MAP4: variants seen among roughly 807,000 people sequenced by gnomAD.
The protein encoded by MAP4 is microtubule associated protein 4.
A neutral mutation model predicts 170.2 loss-of-function variants in MAP4; 76 were observed. The observed-to-expected ratio is 0.45, with a 90% CI of 0.37 to 0.54. MAP4 has a LOEUF of 0.54. MAP4 is among the 20% of genes least tolerant of loss of function. The probability of loss-of-function intolerance (pLI) is 0.00; values close to 1 mark genes in which losing one functional copy is unlikely to be tolerated. For missense variants in MAP4, 2,506 were observed against 2,748.0 expected, an observed-to-expected ratio of 0.91 and a Z score of 1.97; for synonymous variants, 909 against 994.5, an observed-to-expected ratio of 0.91 and a Z score of 1.62.
At chr3:47,919,395 C>T (rs958838071) in intron 5 of MAP4, among the ~76,000 whole-genome samples, 16 of 152,012 alleles carry the variant, frequency 1.1e-4, no homozygotes, top group Non-Finnish European at 2.2e-4. Context: ...GCAATCTCTG[C>T]CTCCCAGGTT....
intron 1 of MAP4, among the ~76,000 whole-genome samples, chr3:48,067,832 G>C (rs2100139060): frequency 6.6e-6 from 1 of 152,052 alleles, no homozygotes; most frequent in South Asian, 2.1e-4. Flanking sequence ...TAGAGATGGG[G>C]TTTTGCCCTG....
intron 3 of MAP4, among the ~76,000 whole-genome samples, chr3:47,950,747 G>A (rs1559568969): frequency 1.3e-5 from 2 of 152,150 alleles, no homozygotes; most frequent in African/African-American, 4.8e-5. Flanking sequence ...CAGAATAGAG[G>A]TTGCTTTTTT....
intron 4 of MAP4, among the ~76,000 whole-genome samples, chr3:47,925,532 T>C (rs962791787): frequency 6.6e-5 from 10 of 152,280 alleles, no homozygotes; most frequent in Middle Eastern, 3.4e-3. Flanking sequence ...AGCCATATAA[T>C]GGAGTATTAC....
At chr3:47,975,442 A>T in intron 3 of MAP4, 1 of 1,568,966 alleles carries the variant, frequency 6.4e-7, no homozygotes, top group South Asian at 1.2e-5. Context: ...CAGCAGCCCC[A>T]GTGTTGAGAG....
At chr3:47,898,232 G>A (rs568730500) in intron 10 of MAP4, among the ~76,000 whole-genome samples, 11 of 152,088 alleles carry the variant, frequency 7.2e-5, no homozygotes, top group South Asian at 4.1e-4. Context: ...GGCTGGGCAT[G>A]GTGGCTCACC....
At chr3:47,922,016 T>G in intron 4 of MAP4, 138 bp from the exon 5 acceptor site, 1 of 558,686 alleles carries the variant, frequency 1.8e-6, no homozygotes, top group Non-Finnish European at 3.2e-6. Context: ...GGTGCCATCT[T>G]GGTTCACTGC....
chr3:47,868,871 G>T (rs902442112), intron 16 of MAP4, among the ~76,000 whole-genome samples: 3 of 152,204 alleles, frequency 2.0e-5, no homozygotes, highest in Admixed American at 6.5e-5. Context: ...TCTTGATAAC[G>T]AATGTGGGTG....
intron 10 of MAP4, chr3:47,891,346 T>C (rs1262796266): frequency 6.5e-7 from 1 of 1,536,068 alleles, no homozygotes; most frequent in South Asian, 1.2e-5. Flanking sequence ...TGAAAGGAGG[T>C]ATCTCTTTAG....
intron 19 of MAP4, among the ~76,000 whole-genome samples, chr3:47,853,554 T>C (rs1203988857): frequency 9.9e-6 from 1 of 100,876 alleles, no homozygotes; most frequent in African/African-American, 3.9e-5. Flanking sequence ...CTCCCGAGGG[T>C]CAGGAGCAGC....
rs904916534 is a variant in MAP4 at position 48,034,420 on chromosome 3, G to A, written c.-19-35541C>T. 3.9e-5 allele frequency among the ~76,000 whole-genome samples: 6 copies of A among 151,928 alleles called. No individual in the cohort carries two copies. In the East Asian group the frequency reaches 1.2e-3, roughly 29 times the overall value. Reference sequence around the variant, plus strand: ...TTGACCATTTAAAAAAATCACTTAGGGGCCCAGCACAGTGGCTCATACCTG... The same window carrying A: ...TTGACCATTTAAAAAAATCACTTAGAGGCCCAGCACAGTGGCTCATACCTG... On this transcript the variant is annotated intron_variant, in intron 1 of 18. Transcript: ENST00000360240.
At chr3:47,958,742 G>A (rs1448419878) in intron 3 of MAP4, among the ~76,000 whole-genome samples, 1 of 150,022 alleles carries the variant, frequency 6.7e-6, no homozygotes, top group Non-Finnish European at 1.5e-5. Context: ...GGAGTGCAGC[G>A]GCAAGATCTC....
At chr3:48,008,128 A>G (rs999051680) in intron 1 of MAP4, among the ~76,000 whole-genome samples, 4 of 152,168 alleles carry the variant, frequency 2.6e-5, no homozygotes, top group Admixed American at 2.6e-4. Flanking sequence ...TTCCATCATC[A>G]AATGGAAGTG....
chr3:47,909,633 A>G lies in MAP4; in HGVS notation c.4788T>C (p.Tyr1596=), dbSNP rs773186025. 6 of 1,613,726 alleles carry G rather than the reference A, an allele frequency of 3.7e-6. No homozygotes were observed. In the African/African-American group the frequency reaches 6.7e-5, roughly 18 times the overall value. The change falls in exon 9 of 21, where the codon TAT becomes TAC. Residue 1596 remains tyrosine (Y), a synonymous_variant. Coordinates refer to ENST00000683076, the MANE Select transcript of MAP4 (RefSeq NM_001385682.1). Reference sequence around the variant, plus strand: ...GTGCTGGGAAATTACCTCTATCTGCATATCCTTCTAGGGCTCTGGCCTCTC... The same window carrying G: ...GTGCTGGGAAATTACCTCTATCTGCGTATCCTTCTAGGGCTCTGGCCTCTC... ...LPGEARALEG[Y]ADRGNFPAHP...
chr3:47,965,752 G>A (rs2100074479), intron 3 of MAP4, among the ~76,000 whole-genome samples: 1 of 150,962 alleles, frequency 6.6e-6, no homozygotes, highest in Non-Finnish European at 1.5e-5. Context: ...ATTTTTTTTT[G>A]TTGAGCTCTA....
chr3:48,076,963 G>A (rs1361977180), intron 1 of MAP4, among the ~76,000 whole-genome samples: 1 of 151,108 alleles, frequency 6.6e-6, no homozygotes, highest in Non-Finnish European at 1.5e-5. Context: ...GCAATATAAG[G>A]AGACCCCATC....
At chr3:48,070,521 T>C (rs1417808848) in intron 1 of MAP4, among the ~76,000 whole-genome samples, 1 of 148,624 alleles carries the variant, frequency 6.7e-6, no homozygotes, top group Non-Finnish European at 1.5e-5. Context: ...GGGGTCTCAC[T>C]ATGCTGCTTA....
chr3:47,854,409 G>A (rs1036646945), intron 19 of MAP4, among the ~76,000 whole-genome samples: 6 of 152,134 alleles, frequency 3.9e-5, no homozygotes, highest in South Asian at 2.1e-4. Context: ...GACAGGGGAC[G>A]GGCTGGGCAG....
At chr3:48,043,529 C>T (rs2100122754) in intron 1 of MAP4, among the ~76,000 whole-genome samples, 1 of 152,174 alleles carries the variant, frequency 6.6e-6, no homozygotes, top group Non-Finnish European at 1.5e-5. Context: ...TTAATACTAG[C>T]TTTAAGGATA....
chr3:48,054,592 T>C (rs1346980096), intron 1 of MAP4, among the ~76,000 whole-genome samples: 1 of 123,862 alleles, frequency 8.1e-6, no homozygotes, highest in African/African-American at 3.2e-5. Context: ...ATCATGCCAC[T>C]GCACGCCAAC....
Sources: gnomAD v4.1 joint callset for allele counts (sites outside exome capture counted in the v4.1 genomes callset) on GRCh38, gnomAD v4.1.1 for gene constraint, MANE v1.5 for transcripts, NCBI Gene and HGNC (gene_info 2026-07-23, HGNC 2026-07-21) for gene names.